Variants in SLC30A3 observed in about 807,000 individuals in gnomAD.
SLC30A3 encodes solute carrier family 30 member 3.
SLC30A3 carries 20 observed loss-of-function variants against 35.6 expected under a neutral mutation model. The observed-to-expected ratio is 0.56, with a 90% CI of 0.39 to 0.82. SLC30A3 has a LOEUF of 0.82. Among genes scored for constraint, SLC30A3 ranks in the 40% least tolerant of loss-of-function variants. The probability of loss-of-function intolerance (pLI) is 0.00; values close to 1 mark genes in which losing one functional copy is unlikely to be tolerated. For synonymous variants in SLC30A3, 217 were observed against 224.7 expected, an observed-to-expected ratio of 0.97 and a Z score of 0.31; for missense variants, 401 against 530.6, an observed-to-expected ratio of 0.76 and a Z score of 2.40.
rs903771434 is a variant in SLC30A3 at position 27,258,771 on chromosome 2, T to C, written c.259A>G (p.Met87Val). ...YAACAVCFVF[M>V]AGEVVGGYLA... The stretch of plus-strand genomic sequence containing the variant: ...AACTTACCGACCACCTCCCCAGCCA[T>C]GAAGACAAAGCAAACGGCACAGGCA... The change falls in exon 2 of 8, where the codon ATG becomes GTG. Residue 87 changes from methionine (M) to valine (V), a missense_variant. Met to Val is a conservative substitution (Grantham distance 21, BLOSUM62 1). Around this residue, in one of 3 missense-constraint regions of SLC30A3, gnomAD observed 103 missense variants for 120.7 expected, o/e 0.85. Coordinates refer to ENST00000233535, the MANE Select transcript of SLC30A3 (RefSeq NM_003459.5). This position sits in a 1 kb window ranked among gnomAD's most constrained non-coding sequence, Gnocchi z 4.0. 14 of 1,614,058 alleles carry C rather than the reference T, an allele frequency of 8.7e-6. No homozygotes were observed. The highest frequency in any genetic ancestry group is 1.1e-5 in the Non-Finnish European group (13 of 1,180,034).
intron 1 of SLC30A3, among the ~76,000 whole-genome samples, chr2:27,259,473 C>A (rs1018972478): frequency 1.1e-4 from 17 of 149,162 alleles, no homozygotes; most frequent in Non-Finnish European, 2.2e-4. Context: ...AGCCTGGCAA[C>A]AGAGTGAGAG....
upstream of SLC30A3, chr2:27,263,917 T>G (rs1044253867): frequency 1.0e-5 from 6 of 600,982 alleles, no homozygotes; most frequent in Non-Finnish European, 1.7e-5. Flanking sequence ...CAGCTAGTGA[T>G]TCCCATCCTC....
At chr2:27,259,021 T>C in intron 1 of SLC30A3, 87 bp from the exon 2 acceptor site, 1 of 1,054,522 alleles carries the variant, frequency 9.5e-7, no homozygotes, top group South Asian at 1.7e-5. Context: ...GCTGGCCTCA[T>C]CAGACCATCT....
chr2:27,274,542 A>G (rs1461188760), intron 1 of SLC30A3, among the ~76,000 whole-genome samples: 1 of 152,174 alleles, frequency 6.6e-6, no homozygotes, highest in Non-Finnish European at 1.5e-5. Context: ...TGATGCAAAC[A>G]CTACCTCCTG....
chr2:27,267,754 G>A (rs1677550898), upstream of SLC30A3, among the ~76,000 whole-genome samples: 1 of 151,932 alleles, frequency 6.6e-6, no homozygotes, highest in South Asian at 2.1e-4. Context: ...GGCCAATATG[G>A]GGAAACCCCG....
upstream of SLC30A3, among the ~76,000 whole-genome samples, chr2:27,266,660 C>G (rs962454861): frequency 5.9e-5 from 9 of 152,162 alleles, no homozygotes; most frequent in African/African-American, 2.2e-4. Flanking sequence ...CTTTGGGAGG[C>G]CGAGGCAGGC....
chr2:27,263,094 C>G (rs1043912230), upstream of SLC30A3: 1 of 1,347,700 alleles, frequency 7.4e-7, no homozygotes, highest in African/African-American at 1.5e-5. Context: ...GCCGGAGCCC[C>G]GCCCCGCGTG....
Position 27,262,741 on chromosome 2 carries a change from G to T in SLC30A3, c.95+71C>A. 1 of 1,393,434 alleles carries T rather than the reference G, an allele frequency of 7.2e-7. No homozygotes were observed. The highest frequency in any genetic ancestry group is 1.5e-5 in the South Asian group (1 of 65,950). The allele number at this position is 1,393,434 out of a possible 1,614,324, so 86.3% of individuals were successfully genotyped here. On this transcript the variant is annotated intron_variant, in intron 1 of 7. Coordinates refer to ENST00000233535, the MANE Select transcript of SLC30A3 (RefSeq NM_003459.5). The surrounding 1 kb of genome is among the most constrained non-coding windows in gnomAD (Gnocchi z 7.5). The stretch of plus-strand genomic sequence containing the variant: ...GCGGCCGCCGGGGCCCGCGCCGAGA[G>T]AGACAACGAAATGGACGGAGGGTAG...
In SLC30A3 at chr2:27,255,368, G is replaced by T; in HGVS notation, c.1111C>A (p.Gln371Lys). The change falls in exon 8 of 8, where the codon CAG becomes AAG. Residue 371 changes from glutamine (Q) to lysine (K), a missense_variant. This residue lies in a region of SLC30A3 where 296 missense variants were observed against 392.6 expected (regional missense o/e 0.75). Transcript: ENST00000233535. The surrounding 1 kb of genome is among the most constrained non-coding windows in gnomAD (Gnocchi z 5.2). ...CACTGGGCCATCTCCGGCTGATACT[G>T]CTCGACCTGCAGGGTGCAGCTGGAG... is the stretch of plus-strand genomic sequence containing the variant. ...GFSSCTLQVE[Q>K]YQPEMAQCLR... The T allele has an allele frequency of 6.2e-7, 1 of 1,614,186 alleles. No individual in the cohort carries two copies.
In SLC30A3 at chr2:27,262,306, C is replaced by CCGCAAGACCCG. The variant is rs1677237283; in HGVS notation, c.95+495_95+505dup. 1 of 152,038 alleles carries CCGCAAGACCCG rather than the reference C, an allele frequency of 6.6e-6. No homozygotes were observed. Among genetic ancestry groups the CCGCAAGACCCG allele is most frequent in the Non-Finnish European group, 1.5e-5 (1 of 68,090 alleles). The allele number at this position is 152,038 out of a possible 1,614,324, so 9.4% of individuals were successfully genotyped here. A position where few individuals can be genotyped will look rare whatever the true frequency, so the allele number is the denominator to read the frequency against. On this transcript the variant is annotated intron_variant, in intron 1 of 7. Coordinates refer to ENST00000233535, the MANE Select transcript of SLC30A3 (RefSeq NM_003459.5). This position sits in a 1 kb window ranked among gnomAD's most constrained non-coding sequence, Gnocchi z 7.5. ...CGGCGGCCGCCCGCCCCCCAGGGGC[C>CCGCAAGACCCG]CGCAAGACCCGCGCGGAGCCCGGCC...
exon 1 of SLC30A3, chr2:27,275,323 G>A (rs1312703919): frequency 6.3e-6 from 5 of 792,302 alleles, no homozygotes; most frequent in Middle Eastern, 4.3e-4. Context: ...CGCTGCCTTG[G>A]GCCGCAGGCC....
intron 1 of SLC30A3, among the ~76,000 whole-genome samples, chr2:27,269,472 G>T (rs1377950756): frequency 6.6e-6 from 1 of 152,048 alleles, no homozygotes; most frequent in Non-Finnish European, 1.5e-5. Flanking sequence ...CTTCCAAAGT[G>T]CTGGGCTTAC....
intron 1 of SLC30A3, among the ~76,000 whole-genome samples, chr2:27,272,579 C>T (rs769468620): frequency 6.6e-5 from 10 of 151,332 alleles, no homozygotes; most frequent in Non-Finnish European, 1.3e-4. Flanking sequence ...CTGCAACCTC[C>T]GCCACACCCA....
chr2:27,256,976 G>T, intron 5 of SLC30A3, 83 bp from the exon 6 acceptor site: 1 of 1,165,498 alleles, frequency 8.6e-7, no homozygotes, highest in South Asian at 1.3e-5. Context: ...AACATGACCT[G>T]AGAGGCCCCT....
chr2:27,262,374 G>C lies in SLC30A3; in HGVS notation c.95+438C>G, dbSNP rs1558562868. 6.6e-6 allele frequency among the ~76,000 whole-genome samples: 1 copy of C among 151,888 alleles called. No individual in the cohort carries two copies. Among genetic ancestry groups the C allele is most frequent in the East Asian group, 1.9e-4 (1 of 5,184 alleles). On this transcript the variant is annotated intron_variant, in intron 1 of 7. Coordinates refer to ENST00000233535, the MANE Select transcript of SLC30A3 (RefSeq NM_003459.5). This position sits in a 1 kb window ranked among gnomAD's most constrained non-coding sequence, Gnocchi z 7.5. ...GCCCACAGCTGGCCGCGGCTGGAGG[G>C]GGCGCGCGGAGGGGAGCCCCCGGGG...
upstream of SLC30A3, among the ~76,000 whole-genome samples, chr2:27,265,859 C>T (rs1161515124): frequency 1.3e-5 from 2 of 152,002 alleles, no homozygotes; most frequent in Non-Finnish European, 2.9e-5. The surrounding 1 kb of genome is among the most constrained non-coding windows in gnomAD (Gnocchi z 5.9). Flanking sequence ...GCCACACTGT[C>T]CTCAATTAAG....
At chr2:27,273,652 G>A (rs553743349) in intron 1 of SLC30A3, among the ~76,000 whole-genome samples, 16 of 152,134 alleles carry the variant, frequency 1.1e-4, no homozygotes, top group Admixed American at 4.6e-4. Context: ...TAATGCAAAG[G>A]TCTTCATCCC....
chr2:27,272,547 G>A (rs1677770454), intron 1 of SLC30A3, among the ~76,000 whole-genome samples: 1 of 150,312 alleles, frequency 6.7e-6, no homozygotes, highest in African/African-American at 2.4e-5. Context: ...AGGCTGGAGT[G>A]TAATGGCACG....
upstream of SLC30A3, chr2:27,263,061 T>A: frequency 1.5e-6 from 2 of 1,356,956 alleles, no homozygotes; most frequent in Non-Finnish European, 1.9e-6. Flanking sequence ...GCGCGCGGAG[T>A]CCGAACTGCA....
Sources: allele counts gnomAD v4.1 joint callset (sites outside exome capture counted in the v4.1 genomes callset), GRCh38; gene constraint gnomAD v4.1.1; regional missense constraint gnomAD v4.1.1; non-coding constraint Gnocchi (gnomAD v3.1); transcripts MANE v1.5; gene names NCBI Gene and HGNC (gene_info 2026-07-23, HGNC 2026-07-21).